The following DOCK1 variants were observed in gnomAD, a reference collection of about 807,000 sequenced individuals.
The protein encoded by DOCK1 is dedicator of cytokinesis protein 1.
DOCK1 carries 138 observed loss-of-function variants against 262.7 expected under a neutral mutation model. That is an observed-to-expected ratio of 0.53 (90% CI 0.46 to 0.61). DOCK1 has a LOEUF of 0.61. Ranked by LOEUF, DOCK1 falls within the 20% of genes least tolerant of loss-of-function variation. The pLI, the probability that DOCK1 is intolerant of heterozygous loss-of-function variation, is 0.00. For missense variants in DOCK1, 1,908 were observed against 2,370.7 expected (o/e 0.80, Z 4.05); for synonymous variants, 866 against 867.4 (o/e 1.00, Z 0.03).
chr10:127,090,477 T>C (rs1033806116), intron 23 of DOCK1, among the ~76,000 whole-genome samples: 1 of 151,968 alleles, frequency 6.6e-6, no homozygotes, highest in Non-Finnish European at 1.5e-5. Flanking sequence ...TTTTTTTTCC[T>C]GTTAATAATT....
intron 27 of DOCK1, among the ~76,000 whole-genome samples, chr10:127,159,169 GT>G: frequency 6.6e-6 from 1 of 152,218 alleles, no homozygotes; most frequent in East Asian, 1.9e-4. Flanking sequence ...ATTCTACAAG[GT>G]GGTTTTTGTG....
intron 18 of DOCK1, among the ~76,000 whole-genome samples, chr10:127,035,285 C>A (rs144718803): frequency 1.3e-5 from 2 of 152,214 alleles, no homozygotes; most frequent in Non-Finnish European, 2.9e-5. Flanking sequence ...TGGTATTAAA[C>A]TTCTCTGTCC....
At chr10:127,171,577 T>C (rs1006716084) in intron 27 of DOCK1, among the ~76,000 whole-genome samples, 2 of 152,206 alleles carry the variant, frequency 1.3e-5, no homozygotes, top group Non-Finnish European at 2.9e-5. Context: ...GAAATTCTGT[T>C]GGAAGCCCCT....
intron 24 of DOCK1, among the ~76,000 whole-genome samples, chr10:127,107,331 A>T (rs2048592016): frequency 1.3e-5 from 2 of 152,126 alleles, no homozygotes; most frequent in South Asian, 4.1e-4. Context: ...CCTGTACTTT[A>T]TGTCTACCAT....
intron 12 of DOCK1, among the ~76,000 whole-genome samples, chr10:127,014,481 C>T (rs1347597394): frequency 6.6e-6 from 1 of 152,108 alleles, no homozygotes; most frequent in East Asian, 1.9e-4. Context: ...TTGCGCAGGC[C>T]GGCGTTTCTG....
At chr10:127,046,401 A>G (rs909852637) in intron 21 of DOCK1, among the ~76,000 whole-genome samples, 1 of 152,146 alleles carries the variant, frequency 6.6e-6, no homozygotes, top group Non-Finnish European at 1.5e-5. Flanking sequence ...AGGGCTCCCT[A>G]CTAGAGCTCT....
chr10:127,440,685 A>G (rs975662647), intron 49 of DOCK1, among the ~76,000 whole-genome samples: 6 of 152,202 alleles, frequency 3.9e-5, no homozygotes, highest in Admixed American at 3.3e-4. Flanking sequence ...GGCTATCTAG[A>G]GGTGGAAGGC....
chr10:127,155,887 T>A (rs763074798), intron 27 of DOCK1, among the ~76,000 whole-genome samples: 3 of 152,190 alleles, frequency 2.0e-5, no homozygotes, highest in Non-Finnish European at 4.4e-5. Context: ...CGGTCCACGC[T>A]GAATGTGTTG....
At chr10:127,068,299 A>C (rs995642871) in intron 23 of DOCK1, among the ~76,000 whole-genome samples, 1 of 152,108 alleles carries the variant, frequency 6.6e-6, no homozygotes, top group Non-Finnish European at 1.5e-5. Context: ...ACAGATTTGT[A>C]CACATAGAAC....
chr10:127,031,245 G>A (rs865992423), intron 16 of DOCK1, among the ~76,000 whole-genome samples: 16 of 152,294 alleles, frequency 1.1e-4, no homozygotes, highest in Admixed American at 4.6e-4. Context: ...TGGTCTGGGC[G>A]TCTTAGGTTG....
intron 23 of DOCK1, among the ~76,000 whole-genome samples, chr10:127,079,548 T>G (rs112069673): frequency 6.6e-6 from 1 of 152,280 alleles, no homozygotes; most frequent in Non-Finnish European, 1.5e-5. Flanking sequence ...ATCTGTTGAG[T>G]GTGTCATGTG....
At chr10:126,934,331 G>A (rs1398967637) in intron 1 of DOCK1, among the ~76,000 whole-genome samples, 1 of 152,182 alleles carries the variant, frequency 6.6e-6, no homozygotes, top group African/African-American at 2.4e-5. Context: ...GAACCTGTGT[G>A]ACAAATGCTA....
intron 10 of DOCK1, among the ~76,000 whole-genome samples, chr10:127,004,575 G>C (rs1039317059): frequency 6.6e-6 from 1 of 151,724 alleles, no homozygotes; most frequent in African/African-American, 2.4e-5. Context: ...GCAAAACCTC[G>C]TCTCTACTAA....
intron 1 of DOCK1, among the ~76,000 whole-genome samples, chr10:126,949,644 G>T (rs2134371514): frequency 6.6e-6 from 1 of 152,258 alleles, no homozygotes; most frequent in East Asian, 1.9e-4. Flanking sequence ...ATAAATTCAT[G>T]TTAGACAGCA....
chr10:127,378,854 T>C lies in DOCK1; in HGVS notation c.3676-1228T>C, dbSNP rs541460724. Among the ~76,000 whole-genome samples, 5 of 152,362 alleles carry C rather than the reference T, an allele frequency of 3.3e-5. No individual in the cohort carries two copies. In the East Asian group the frequency reaches 5.8e-4, roughly 18 times the overall value. ...CATTACTGAGCCGTGTCATATGAAC[T>C]GGAGGACAGTAAAGTGTCAGAGGCA... On this transcript the variant is annotated intron_variant, in intron 35 of 51. Coordinates refer to ENST00000623213, the MANE Select transcript of DOCK1 (RefSeq NM_001290223.2).
rs1485858176 is a variant in DOCK1 at position 127,409,169 on chromosome 10, C to T, written c.4255C>T (p.Pro1419Ser). ...ACCAGGCGACGATATTAAAAACTCT[C>T]CTGGCCAGTGTATCCTTTAAGACAA... ...SPPGDDIKNS[P>S]GQYIQCFTVK... is the part of the protein sequence containing the mutation. Residue 1419 changes from proline to serine, a missense_variant, in exon 41 of 52, where the codon CCT (proline) becomes TCT (serine). Pro to Ser is a moderately conservative substitution (Grantham distance 74). This residue lies in a region of DOCK1 where 267 missense variants were observed against 366.3 expected (regional missense o/e 0.73). Transcript: ENST00000623213. The T allele has an allele frequency of 4.3e-6, 7 of 1,613,716 alleles. No individual in the cohort carries two copies. In the South Asian group the frequency reaches 6.6e-5, roughly 15 times the overall value.
chr10:127,365,852 C>T (rs1287453026), intron 33 of DOCK1, among the ~76,000 whole-genome samples: 2 of 152,190 alleles, frequency 1.3e-5, no homozygotes, highest in African/African-American at 2.4e-5. Context: ...CCGAAGTTAA[C>T]GAGAGCCACA....
At chr10:127,275,065 G>A (rs1216705402) in intron 29 of DOCK1, among the ~76,000 whole-genome samples, 1 of 152,152 alleles carries the variant, frequency 6.6e-6, no homozygotes, top group African/African-American at 2.4e-5. Flanking sequence ...CTGACGTTCA[G>A]AAGAAAGGTA....
At chr10:127,288,369 G>A (rs2061233487) in intron 29 of DOCK1, among the ~76,000 whole-genome samples, 1 of 152,144 alleles carries the variant, frequency 6.6e-6, no homozygotes, top group South Asian at 2.1e-4. Context: ...CTTTTAGTGG[G>A]AAGTGGTATT....
Sources: gnomAD v4.1 joint callset for allele counts (sites outside exome capture counted in the v4.1 genomes callset) on GRCh38, gnomAD v4.1.1 for gene constraint, gnomAD v4.1.1 regional missense constraint, MANE v1.5 for transcripts, NCBI Gene and HGNC (gene_info 2026-07-23, HGNC 2026-07-21) for gene names.